The following RASEF variants were observed in gnomAD, a reference collection of about 807,000 sequenced individuals.
The protein encoded by RASEF is RAS and EF-hand domain containing, also known as ras and EF-hand domain-containing protein.
In RASEF, 68 loss-of-function variants were observed where a neutral mutation model predicts 90.1. The observed-to-expected ratio is 0.75, with a 90% CI of 0.62 to 0.92. The LOEUF is 0.92. Ranked by LOEUF, RASEF falls within the 40% of genes least tolerant of loss-of-function variation. The probability of loss-of-function intolerance (pLI) is 0.00; values close to 1 mark genes in which losing one functional copy is unlikely to be tolerated. For missense variants in RASEF, 949 were observed against 937.2 expected, an observed-to-expected ratio of 1.01 and a Z score of -0.16; for synonymous variants, 331 against 345.2, an observed-to-expected ratio of 0.96 and a Z score of 0.46.
the RASEF span, among the ~76,000 whole-genome samples, chr9:83,210,531 G>A: frequency 3.2e-3 from 487 of 152,262 alleles, 4 homozygotes; most frequent in African/African-American, 0.011. Flanking sequence ...CTGGCAGCAC[G>A]CCTGCAATCT....
the RASEF span, among the ~76,000 whole-genome samples, chr9:83,074,641 C>G: frequency 1.3e-5 from 2 of 152,208 alleles, no homozygotes; most frequent in Non-Finnish European, 2.9e-5. Context: ...TTTACTGTAA[C>G]ATGGTCTCAC....
chr9:83,021,403 A>T (rs1430723333), intron 3 of RASEF, among the ~76,000 whole-genome samples: 2 of 152,240 alleles, frequency 1.3e-5, no homozygotes, highest in African/African-American at 2.4e-5. Context: ...TAATAAACAA[A>T]AGTGGAAGTT....
At chr9:83,201,413 G>C in the RASEF span, among the ~76,000 whole-genome samples, 6 of 152,282 alleles carry the variant, frequency 3.9e-5, no homozygotes, top group African/African-American at 1.4e-4. Flanking sequence ...GCCAGAGTTC[G>C]GATATTCTCT....
intron 2 of RASEF, among the ~76,000 whole-genome samples, chr9:83,025,372 A>C (rs1188109517): frequency 6.6e-6 from 1 of 152,174 alleles, no homozygotes; most frequent in African/African-American, 2.4e-5. Flanking sequence ...CTCATTTTGC[A>C]GTTGCAGGAA....
the RASEF span, among the ~76,000 whole-genome samples, chr9:83,148,796 A>T: frequency 6.6e-6 from 1 of 152,248 alleles, no homozygotes; most frequent in Non-Finnish European, 1.5e-5. Flanking sequence ...ATCCCATGCT[A>T]ATGAGATACT....
chr9:83,126,125 C>T, the RASEF span, among the ~76,000 whole-genome samples: 1 of 152,116 alleles, frequency 6.6e-6, no homozygotes, highest in Admixed American at 6.5e-5. Context: ...AATATGTAAC[C>T]TATTGCTATG....
chr9:83,013,925 C>T (rs1048594356), intron 4 of RASEF, among the ~76,000 whole-genome samples: 5 of 152,196 alleles, frequency 3.3e-5, no homozygotes, highest in African/African-American at 7.2e-5. Flanking sequence ...GTGAACTATC[C>T]GAGGTGCTTC....
intron 16 of RASEF, among the ~76,000 whole-genome samples, chr9:82,986,148 A>T (rs1828706764): frequency 6.6e-6 from 1 of 152,230 alleles, no homozygotes; most frequent in South Asian, 2.1e-4. Context: ...ACATTTAAAC[A>T]GCAAGCCAGT....
chr9:83,132,549 C>T, the RASEF span, among the ~76,000 whole-genome samples: 1 of 152,170 alleles, frequency 6.6e-6, no homozygotes, highest in Non-Finnish European at 1.5e-5. Flanking sequence ...CAATTAGTTT[C>T]ACAGCAATAC....
the RASEF span, among the ~76,000 whole-genome samples, chr9:83,093,340 A>G: frequency 6.6e-6 from 1 of 152,070 alleles, no homozygotes; most frequent in African/African-American, 2.4e-5. Flanking sequence ...GGCCCCGCGG[A>G]GCAGGGGGTG....
At chr9:82,993,487 T>G (rs191460508) in intron 14 of RASEF, among the ~76,000 whole-genome samples, 1 of 152,318 alleles carries the variant, frequency 6.6e-6, no homozygotes, top group Admixed American at 6.5e-5. Context: ...TCTACAACTG[T>G]TATTTTAAAC....
At chr9:83,089,190 T>A in the RASEF span, among the ~76,000 whole-genome samples, 1 of 152,180 alleles carries the variant, frequency 6.6e-6, no homozygotes, top group East Asian at 1.9e-4. Flanking sequence ...CTAAAAAGCT[T>A]TGTTCTCTTG....
the RASEF span, among the ~76,000 whole-genome samples, chr9:83,148,984 C>T: frequency 5.9e-5 from 9 of 152,318 alleles, no homozygotes; most frequent in East Asian, 3.9e-4. Flanking sequence ...GCTGGCCCCA[C>T]GGCAGCAATG....
chr9:83,048,641 G>C, intron 1 of RASEF: 1 of 985,470 alleles, frequency 1.0e-6, no homozygotes, highest in Non-Finnish European at 1.2e-6. Flanking sequence ...AAATAACACA[G>C]ACGTTCCTTG....
chr9:83,018,644 A>G (rs1829387757), intron 3 of RASEF, among the ~76,000 whole-genome samples: 1 of 151,452 alleles, frequency 6.6e-6, no homozygotes, highest in African/African-American at 2.4e-5. Context: ...CTTTTAAAAA[A>G]GCACAAAGTT....
intron 3 of RASEF, among the ~76,000 whole-genome samples, chr9:83,017,595 CAGATAAG>C (rs1359472708): frequency 1.3e-5 from 2 of 152,128 alleles, no homozygotes; most frequent in Non-Finnish European, 2.9e-5. Context: ...GCTGAGAGAT[CAGATAAG>C]AGATTGTTAC....
At chr9:83,195,179 A>G in the RASEF span, among the ~76,000 whole-genome samples, 1 of 152,170 alleles carries the variant, frequency 6.6e-6, no homozygotes. Flanking sequence ...TCATGCAGCT[A>G]TGTGGCGGGA....
the RASEF span, among the ~76,000 whole-genome samples, chr9:83,087,446 TC>T: frequency 6.6e-6 from 1 of 151,784 alleles, no homozygotes; most frequent in Admixed American, 6.6e-5. Flanking sequence ...TCTCTGTCTC[TC>T]CCCTACTGCC....
At chr9:82,991,890 TC>T (rs1013022479) in intron 15 of RASEF, among the ~76,000 whole-genome samples, 3 of 152,346 alleles carry the variant, frequency 2.0e-5, no homozygotes, top group African/African-American at 7.2e-5. Flanking sequence ...GAGTTTAACA[TC>T]TGTCTCCCTC....
Sources: allele counts gnomAD v4.1 joint callset (sites outside exome capture counted in the v4.1 genomes callset), GRCh38; gene constraint gnomAD v4.1.1; transcripts MANE v1.5; gene names NCBI Gene and HGNC (gene_info 2026-07-23, HGNC 2026-07-21).